Variants in ZNF385B observed in about 807,000 individuals in gnomAD.
ZNF385B encodes the protein zinc finger protein 385B.
In ZNF385B, 23 loss-of-function variants were observed where a neutral mutation model predicts 39.2. The observed-to-expected ratio is 0.59, with a 90% confidence interval of 0.42 to 0.83. ZNF385B has a LOEUF of 0.83. Ranked by LOEUF, ZNF385B falls within the 40% of genes least tolerant of loss-of-function variation. The probability of loss-of-function intolerance (pLI) is 0.00; values close to 1 mark genes in which losing one functional copy is unlikely to be tolerated. For missense variants in ZNF385B, 552 were observed against 598.9 expected, an observed-to-expected ratio of 0.92 and a Z score of 0.82; for synonymous variants, 205 against 222.6, an observed-to-expected ratio of 0.92 and a Z score of 0.70.
At chr2:179,624,352 C>T (rs1196344604) in intron 3 of ZNF385B, among the ~76,000 whole-genome samples, 3 of 152,140 alleles carry the variant, frequency 2.0e-5, no homozygotes, top group Admixed American at 1.3e-4. Flanking sequence ...TTACTATGAA[C>T]TTTCAAGGTG....
chr2:179,783,006 A>T (rs530235245), intron 1 of ZNF385B, among the ~76,000 whole-genome samples: 22 of 152,306 alleles, frequency 1.4e-4, no homozygotes, highest in African/African-American at 5.3e-4. Context: ...TGGAACCAAA[A>T]AATAGCCCGA....
At chr2:179,511,437 A>G (rs932062842) in intron 5 of ZNF385B, among the ~76,000 whole-genome samples, 3 of 152,222 alleles carry the variant, frequency 2.0e-5, no homozygotes, top group African/African-American at 7.2e-5. Flanking sequence ...AAACCAAAGA[A>G]GAGATATAGG....
At chr2:179,724,932 T>C (rs1559133012) in intron 3 of ZNF385B, among the ~76,000 whole-genome samples, 1 of 152,198 alleles carries the variant, frequency 6.6e-6, no homozygotes, top group Admixed American at 6.5e-5. Flanking sequence ...CATTTTGCTA[T>C]GAATTTAGCT....
At chr2:179,524,551 CAAAAAAAAAAAAAAAAAAAAA>C (rs770219234) in intron 4 of ZNF385B, among the ~76,000 whole-genome samples, 9 of 60,974 alleles carry the variant, frequency 1.5e-4, no homozygotes, top group East Asian at 6.4e-4. Context: ...GACTCCGTCT[CAAAAAAAAAAAAAAAAAAAAA>C]AAAAAAAAAA....
intron 3 of ZNF385B, among the ~76,000 whole-genome samples, chr2:179,710,886 T>G (rs1008443186): frequency 1.3e-5 from 2 of 152,216 alleles, no homozygotes; most frequent in African/African-American, 4.8e-5. Flanking sequence ...GAGCCACTTC[T>G]GTACTTAGTA....
intron 3 of ZNF385B, among the ~76,000 whole-genome samples, chr2:179,737,229 C>T (rs771288019): frequency 3.3e-5 from 5 of 152,106 alleles, no homozygotes; most frequent in African/African-American, 7.2e-5. Flanking sequence ...CTGTCTTCAG[C>T]GAGTCACTTA....
At chr2:179,628,387 T>G (rs1205625426) in intron 3 of ZNF385B, among the ~76,000 whole-genome samples, 2 of 152,216 alleles carry the variant, frequency 1.3e-5, no homozygotes, top group African/African-American at 4.8e-5. Flanking sequence ...TTTCAGTCAT[T>G]TGTCCTGTAG....
intron 5 of ZNF385B, among the ~76,000 whole-genome samples, chr2:179,497,436 G>A (rs1207742252): frequency 6.6e-6 from 1 of 151,744 alleles, no homozygotes; most frequent in Non-Finnish European, 1.5e-5. Context: ...TTTTTTATTA[G>A]TTTTCTTTTT....
chr2:179,570,969 G>C (rs1344415790), intron 3 of ZNF385B, among the ~76,000 whole-genome samples: 1 of 152,154 alleles, frequency 6.6e-6, no homozygotes, highest in Non-Finnish European at 1.5e-5. Flanking sequence ...GTGAGTAAAA[G>C]GGACTCTACA....
chr2:179,614,564 T>A (rs1412888854), intron 3 of ZNF385B, among the ~76,000 whole-genome samples: 2 of 152,228 alleles, frequency 1.3e-5, no homozygotes, highest in South Asian at 4.1e-4. Flanking sequence ...TACACTTGTA[T>A]TACTCCAGTA....
intron 3 of ZNF385B, among the ~76,000 whole-genome samples, chr2:179,763,508 G>A (rs1282450147): frequency 2.0e-5 from 3 of 151,996 alleles, no homozygotes; most frequent in Admixed American, 6.6e-5. Context: ...CAGATTGTTG[G>A]TTTAGGTCTT....
chr2:179,527,156 A>G (rs1258819464), intron 4 of ZNF385B, among the ~76,000 whole-genome samples: 1 of 152,232 alleles, frequency 6.6e-6, no homozygotes, highest in African/African-American at 2.4e-5. Flanking sequence ...AACATCTAAT[A>G]GCTGCTGAAA....
intron 3 of ZNF385B, among the ~76,000 whole-genome samples, chr2:179,632,737 C>A (rs1453512120): frequency 3.3e-5 from 5 of 152,092 alleles, no homozygotes; most frequent in Non-Finnish European, 5.9e-5. Context: ...CACAAAAAAA[C>A]CCTTCAAAAA....
At chr2:179,630,179 G>T (rs1266243907) in intron 3 of ZNF385B, among the ~76,000 whole-genome samples, 1 of 152,256 alleles carries the variant, frequency 6.6e-6, no homozygotes, top group African/African-American at 2.4e-5. Flanking sequence ...CAAGCATGGC[G>T]TTTGAGCTCT....
intron 1 of ZNF385B, among the ~76,000 whole-genome samples, chr2:179,822,821 T>G (rs1041511972): frequency 4.6e-5 from 7 of 152,220 alleles, no homozygotes; most frequent in African/African-American, 1.7e-4. Flanking sequence ...TAATAGGAAT[T>G]CTGTGCTTAT....
chr2:179,476,201 G>GT (rs1181332870), intron 6 of ZNF385B, among the ~76,000 whole-genome samples: 2 of 152,066 alleles, frequency 1.3e-5, no homozygotes, highest in Non-Finnish European at 2.9e-5. Context: ...TCATAAAAAT[G>GT]TAAGTAATAA....
intron 6 of ZNF385B, among the ~76,000 whole-genome samples, chr2:179,471,412 A>C (rs546723216): frequency 1.3e-5 from 2 of 152,310 alleles, no homozygotes; most frequent in Admixed American, 6.5e-5. Flanking sequence ...GAGGCCCATG[A>C]ATTCAAGGGA....
chr2:179,772,483 G>T (rs1044233343), intron 1 of ZNF385B, among the ~76,000 whole-genome samples: 3 of 152,164 alleles, frequency 2.0e-5, no homozygotes, highest in Non-Finnish European at 4.4e-5. Flanking sequence ...GGAAAAATAA[G>T]ATCAGCTTCT....
chr2:179,518,999 G>A (rs922025250), intron 4 of ZNF385B, among the ~76,000 whole-genome samples: 2 of 152,112 alleles, frequency 1.3e-5, no homozygotes, highest in African/African-American at 4.8e-5. Flanking sequence ...TATTTTTCTT[G>A]AGACAGGATC....
Sources: gnomAD v4.1 joint callset for allele counts (sites outside exome capture counted in the v4.1 genomes callset) on GRCh38, gnomAD v4.1.1 for gene constraint, MANE v1.5 for transcripts, NCBI Gene and HGNC (gene_info 2026-07-23, HGNC 2026-07-21) for gene names.